The following OTUD7A variants were observed in gnomAD, a reference collection of about 807,000 sequenced individuals.
The protein encoded by OTUD7A is OTU domain-containing protein 7A.
A neutral mutation model predicts 65.7 loss-of-function variants in OTUD7A; 12 were observed. That is an observed-to-expected ratio of 0.18 (90% CI 0.12 to 0.30). OTUD7A has a LOEUF of 0.30. Among genes scored for constraint, OTUD7A ranks in the 10% least tolerant of loss-of-function variants. The pLI is 1.00. For synonymous variants in OTUD7A, 641 were observed against 586.3 expected, an observed-to-expected ratio of 1.09 and a Z score of -1.35; for missense variants, 1,148 against 1,304.8, an observed-to-expected ratio of 0.88 and a Z score of 1.85.
intron 1 of OTUD7A, among the ~76,000 whole-genome samples, chr15:31,834,232 G>A (rs1897001769): frequency 6.6e-6 from 1 of 152,206 alleles, no homozygotes; most frequent in African/African-American, 2.4e-5. Flanking sequence ...ATAGCAACAA[G>A]GTTGGAGTTC....
chr15:31,560,621 A>G (rs1445480716), intron 4 of OTUD7A, among the ~76,000 whole-genome samples: 1 of 152,212 alleles, frequency 6.6e-6, no homozygotes, highest in African/African-American at 2.4e-5. Context: ...AGGGCAGTAG[A>G]TCTTTCATTT....
intron 1 of OTUD7A, among the ~76,000 whole-genome samples, chr15:31,858,956 T>A (rs555543900): frequency 5.3e-5 from 8 of 152,344 alleles, no homozygotes; most frequent in Admixed American, 5.2e-4. Context: ...ACTGCCATCC[T>A]CAGTCTCCTC....
intron 3 of OTUD7A, among the ~76,000 whole-genome samples, chr15:31,581,191 G>T (rs749954432): frequency 1.3e-5 from 2 of 152,218 alleles, no homozygotes; most frequent in Non-Finnish European, 2.9e-5. Context: ...CCACTTCCAG[G>T]TTATGCTGAT....
chr15:31,590,261 G>C (rs1245757696), intron 3 of OTUD7A, among the ~76,000 whole-genome samples: 1 of 152,206 alleles, frequency 6.6e-6, no homozygotes, highest in African/African-American at 2.4e-5. Flanking sequence ...TAGAGCCTAG[G>C]TATGTAGTAG....
At chr15:31,839,739 T>G (rs1049126003) in intron 1 of OTUD7A, among the ~76,000 whole-genome samples, 1 of 152,192 alleles carries the variant, frequency 6.6e-6, no homozygotes, top group Non-Finnish European at 1.5e-5. Flanking sequence ...AGGGTGTCAC[T>G]GCACCATGGT....
Position 31,828,888 on chromosome 15 carries a change from A to G in OTUD7A, c.-100+41619T>C, listed in dbSNP as rs529977540. 8.5e-5 allele frequency among the ~76,000 whole-genome samples: 13 copies of G among 152,254 alleles called. No homozygotes were observed. In the South Asian group the frequency reaches 2.1e-3, roughly 24 times the overall value. On this transcript the variant is annotated intron_variant, in intron 1 of 12. Coordinates refer to ENST00000307050, the MANE Select transcript of OTUD7A (RefSeq NM_001382637.1). ...CTAAGCCAGGGGCCAGAAGATGTAC[A>G]CTATGACTGGAGGAGGGCATGGTCC...
At chr15:31,717,208 GA>G (rs1893612980) in intron 1 of OTUD7A, among the ~76,000 whole-genome samples, 2 of 151,400 alleles carry the variant, frequency 1.3e-5, no homozygotes, top group South Asian at 4.2e-4. Context: ...TTGAAAATCT[GA>G]AACAGTTTCT....
chr15:31,531,507 T>TGA (rs1320650936), intron 5 of OTUD7A, among the ~76,000 whole-genome samples: 1 of 85,754 alleles, frequency 1.2e-5, no homozygotes, highest in Non-Finnish European at 2.2e-5. Context: ...AACGAACCAA[T>TGA]GAGAGTAGGC....
At chr15:31,644,990 C>T (rs1376808260) in intron 3 of OTUD7A, among the ~76,000 whole-genome samples, 11 of 152,302 alleles carry the variant, frequency 7.2e-5, no homozygotes, top group Middle Eastern at 6.8e-3. Flanking sequence ...CTGATCGGCA[C>T]TTGGCTGAGT....
intron 3 of OTUD7A, among the ~76,000 whole-genome samples, chr15:31,624,301 T>G (rs1034993698): frequency 6.6e-6 from 1 of 152,208 alleles, no homozygotes; most frequent in African/African-American, 2.4e-5. Flanking sequence ...AAATAATTCA[T>G]GCTAAAAGCT....
chr15:31,807,356 C>A (rs1393406938), intron 1 of OTUD7A, among the ~76,000 whole-genome samples: 1 of 152,172 alleles, frequency 6.6e-6, no homozygotes, highest in Non-Finnish European at 1.5e-5. Flanking sequence ...TGTGAAAGGG[C>A]TCACACAGGT....
chr15:31,774,867 C>A (rs773672404), intron 1 of OTUD7A, among the ~76,000 whole-genome samples: 68 of 151,212 alleles, frequency 4.5e-4, no homozygotes, highest in Non-Finnish European at 7.5e-4. Context: ...CACAGACCAC[C>A]CAAGTGGATT....
intron 1 of OTUD7A, among the ~76,000 whole-genome samples, chr15:31,827,600 C>T (rs866388909): frequency 3.3e-5 from 5 of 152,282 alleles, no homozygotes; most frequent in Middle Eastern, 3.4e-3. Flanking sequence ...TTATTGTATA[C>T]TTTAATGTTC....
chr15:31,858,831 G>GGCCC (rs2141013117), intron 1 of OTUD7A, among the ~76,000 whole-genome samples: 1 of 152,292 alleles, frequency 6.6e-6, no homozygotes, highest in South Asian at 2.1e-4. Context: ...ATGTCAGGGA[G>GGCCC]GCAGTGGTGG....
chr15:31,553,217 C>T (rs1321928156), intron 5 of OTUD7A, among the ~76,000 whole-genome samples: 1 of 152,148 alleles, frequency 6.6e-6, no homozygotes, highest in Non-Finnish European at 1.5e-5. Context: ...GCTGGTTCGC[C>T]CTGATTCCCA....
chr15:31,672,816 C>T (rs961273883), intron 1 of OTUD7A, among the ~76,000 whole-genome samples: 1 of 152,302 alleles, frequency 6.6e-6, no homozygotes, highest in African/African-American at 2.4e-5. Flanking sequence ...AGTTTTCTCC[C>T]AGTATGGAAA....
intron 1 of OTUD7A, among the ~76,000 whole-genome samples, chr15:31,826,430 G>A (rs1896799631): frequency 6.6e-6 from 1 of 152,224 alleles, no homozygotes; most frequent in African/African-American, 2.4e-5. Context: ...CTGGGACACA[G>A]GGCACCAAGT....
rs2141058505 is a variant in OTUD7A at position 31,483,317 on chromosome 15, C to T, written c.2779G>A (p.Glu927Lys). 2 of 1,198,538 alleles carry T rather than the reference C, an allele frequency of 1.7e-6. No individual in the cohort carries two copies. The highest frequency in any genetic ancestry group is 2.1e-6 in the Non-Finnish European group (2 of 964,108). 74.2% of individuals were successfully genotyped at this position (1,198,538 alleles called of 1,614,324 possible). ...CYREELRRRR[E>K]ARGARP ...GCTCAGGGCCGGGCCCCGCGCGCCT[C>T]GCGCCGCCGCCGCAGCTCCTCGCGG... The change falls in exon 13 of 13, where the codon GAG (glutamate) becomes AAG (lysine). Residue 927 changes from glutamate (E) to lysine (K), a missense_variant. Glu to Lys is a moderately conservative substitution (Grantham distance 56). Transcript: ENST00000307050.
At chr15:31,674,664 G>A (rs566866602) in intron 1 of OTUD7A, among the ~76,000 whole-genome samples, 9 of 152,292 alleles carry the variant, frequency 5.9e-5, no homozygotes, top group Admixed American at 3.9e-4. Flanking sequence ...GCTGGACGAC[G>A]ATCCAGTCTA....
Sources: gnomAD v4.1 joint callset for allele counts (sites outside exome capture counted in the v4.1 genomes callset) on GRCh38, gnomAD v4.1.1 for gene constraint, MANE v1.5 for transcripts, NCBI Gene and HGNC (gene_info 2026-07-23, HGNC 2026-07-21) for gene names.